ZMYND12: variants seen among roughly 807,000 people sequenced by gnomAD.
The protein encoded by ZMYND12 is zinc finger MYND-type containing 12, also known as zinc finger MYND domain-containing protein 12.
A neutral mutation model predicts 41.7 loss-of-function variants in ZMYND12; 32 were observed. That is an observed-to-expected ratio of 0.77 (90% confidence interval 0.58 to 1.03). The LOEUF is 1.03. Among genes scored for constraint, ZMYND12 ranks in the 50% least tolerant of loss-of-function variants. The pLI is 0.00. For synonymous variants in ZMYND12, 148 were observed against 164.8 expected (o/e 0.90, Z 0.78); for missense variants, 424 against 438.5 (o/e 0.97, Z 0.30).
chr1:42,436,136 G>A (rs2148404938), intron 5 of ZMYND12, among the ~76,000 whole-genome samples: 1 of 152,238 alleles, frequency 6.6e-6, no homozygotes, highest in Admixed American at 6.5e-5. Flanking sequence ...GTATGACACA[G>A]CATACAACAG....
At chr1:42,452,258 C>T (rs559055778) in intron 1 of ZMYND12, among the ~76,000 whole-genome samples, 14 of 152,048 alleles carry the variant, frequency 9.2e-5, no homozygotes, top group Non-Finnish European at 1.6e-4. Flanking sequence ...GAGAAGAAAA[C>T]GAATGGTGAA....
chr1:42,436,397 C>G, intron 5 of ZMYND12, 24 bp downstream of exon 5: 7 of 1,611,982 alleles, frequency 4.3e-6, no homozygotes, highest in Non-Finnish European at 5.9e-6. Context: ...AGTGAAGGCT[C>G]AGCTCCCACA....
chr1:42,443,034 A>G (rs1642986515), intron 3 of ZMYND12, among the ~76,000 whole-genome samples: 2 of 152,220 alleles, frequency 1.3e-5, no homozygotes, highest in South Asian at 4.1e-4. Context: ...TGGGAAAAAA[A>G]TGGGACAGGG....
At chr1:42,455,811 A>G in intron 1 of ZMYND12, 77 bp downstream of exon 1, 5 of 1,171,530 alleles carry the variant, frequency 4.3e-6, no homozygotes, top group Non-Finnish European at 6.1e-6. Flanking sequence ...CGGCTAACGC[A>G]AGGTACCCAA....
chr1:42,446,696 T>A (rs1234433342), intron 3 of ZMYND12, among the ~76,000 whole-genome samples: 6 of 152,032 alleles, frequency 3.9e-5, no homozygotes, highest in African/African-American at 1.4e-4. Context: ...AATACAGATG[T>A]AATGTGTGTA....
intron 4 of ZMYND12, among the ~76,000 whole-genome samples, chr1:42,438,907 T>TACGC (rs1642935186): frequency 1.3e-5 from 2 of 152,170 alleles, no homozygotes; most frequent in African/African-American, 2.4e-5. Context: ...GGTAATATTT[T>TACGC]CCAGTACTGA....
chr1:42,441,790 T>G (rs1642973103), intron 3 of ZMYND12, among the ~76,000 whole-genome samples: 2 of 151,992 alleles, frequency 1.3e-5, no homozygotes, highest in Admixed American at 1.3e-4. Flanking sequence ...CCGGCTAATT[T>G]TTTGTATTTT....
chr1:42,449,292 A>G (rs1643057257), intron 2 of ZMYND12, among the ~76,000 whole-genome samples: 1 of 152,170 alleles, frequency 6.6e-6, no homozygotes, highest in African/African-American at 2.4e-5. Context: ...CATCATTCTT[A>G]ACCCTCCTAT....
intron 5 of ZMYND12, among the ~76,000 whole-genome samples, chr1:42,436,074 TCTC>T (rs1642905081): frequency 6.6e-6 from 1 of 152,176 alleles, no homozygotes; most frequent in South Asian, 2.1e-4. Flanking sequence ...CCCTTGGAAA[TCTC>T]CTTCTCTATC....
chr1:42,439,695 T>C (rs1275039775), intron 4 of ZMYND12, among the ~76,000 whole-genome samples, 161 bp downstream of exon 4: 1 of 152,186 alleles, frequency 6.6e-6, no homozygotes, highest in Non-Finnish European at 1.5e-5. Context: ...CTCGGGTCGG[T>C]AGAATTGTGT....
intron 1 of ZMYND12, among the ~76,000 whole-genome samples, chr1:42,452,293 T>C (rs1472699499): frequency 6.6e-6 from 1 of 152,176 alleles, no homozygotes; most frequent in East Asian, 1.9e-4. Flanking sequence ...CAGGAAGCAA[T>C]AGTATTTGTA....
intron 5 of ZMYND12, 129 bp from the exon 6 acceptor site, chr1:42,435,514 G>A: frequency 5.9e-6 from 4 of 676,296 alleles, no homozygotes; most frequent in Non-Finnish European, 1.0e-5. Context: ...TACTGTGCCT[G>A]GAGGCAGAGG....
chr1:42,431,903 T>C (rs546908512), intron 7 of ZMYND12, among the ~76,000 whole-genome samples: 4 of 152,056 alleles, frequency 2.6e-5, no homozygotes, highest in Non-Finnish European at 4.4e-5. Context: ...TAGTAAAAGT[T>C]AGCTGAAGAA....
chr1:42,441,841 C>T (rs1019075300), intron 3 of ZMYND12, among the ~76,000 whole-genome samples: 1 of 152,132 alleles, frequency 6.6e-6, no homozygotes, highest in African/African-American at 2.4e-5. Flanking sequence ...GGGATGGTCT[C>T]GATCTCCTGA....
intron 3 of ZMYND12, among the ~76,000 whole-genome samples, chr1:42,443,129 C>T (rs1642987123): frequency 6.6e-6 from 1 of 152,152 alleles, no homozygotes; most frequent in African/African-American, 2.4e-5. Flanking sequence ...ACTCCAAGGC[C>T]CAGCTGAACC....
intron 4 of ZMYND12, among the ~76,000 whole-genome samples, chr1:42,437,417 T>C (rs1642918922): frequency 6.7e-6 from 1 of 149,696 alleles, no homozygotes; most frequent in Non-Finnish European, 1.5e-5. Flanking sequence ...TGGGTGAATT[T>C]TATGGTATAT....
At chr1:42,441,821 C>T (rs1307084792) in intron 3 of ZMYND12, among the ~76,000 whole-genome samples, 3 of 152,066 alleles carry the variant, frequency 2.0e-5, no homozygotes, top group African/African-American at 4.8e-5. Context: ...GGGGTTTCAC[C>T]GTTTTAGCCG....
In ZMYND12 at chr1:42,436,422, T is replaced by TACCA. The variant is rs1557766592; in HGVS notation, c.715_716insTGGT (p.Lys239MetfsTer5). 1 of 1,613,104 alleles carries TACCA rather than the reference T, an allele frequency of 6.2e-7. No homozygotes were observed. Among genetic ancestry groups the TACCA allele is most frequent in the Non-Finnish European group, 8.5e-7 (1 of 1,179,226 alleles). ...CAGCTCCCACATTCCCCAGCTCACC[T>TACCA]TGGTGTACAATGTGTCTGCCAGGTC... is the stretch of plus-strand genomic sequence containing the variant. On this transcript the variant is annotated frameshift_variant and splice_region_variant, in exon 5 of 8. Coordinates refer to ENST00000372565, the MANE Select transcript of ZMYND12 (RefSeq NM_032257.5). LOFTEE classifies it high-confidence loss of function.
At chr1:42,445,446 A>T (rs995078397) in intron 3 of ZMYND12, among the ~76,000 whole-genome samples, 1 of 151,648 alleles carries the variant, frequency 6.6e-6, no homozygotes, top group Non-Finnish European at 1.5e-5. Flanking sequence ...AAAAAAAAAA[A>T]AAAGGGGAGA....
Sources: allele counts gnomAD v4.1 joint callset (sites outside exome capture counted in the v4.1 genomes callset), GRCh38; gene constraint gnomAD v4.1.1; transcripts MANE v1.5; gene names NCBI Gene and HGNC (gene_info 2026-07-23, HGNC 2026-07-21).